Variants in POU2F3 observed in about 807,000 individuals in gnomAD.
POU2F3 encodes the protein POU domain, class 2, transcription factor 3.
POU2F3 carries 23 observed loss-of-function variants against 59.2 expected under a neutral mutation model. The ratio of observed to expected loss-of-function variants is 0.39; its 90% confidence interval spans 0.28 to 0.55. POU2F3 has a LOEUF of 0.55. POU2F3 is among the 20% of genes least tolerant of loss of function. POU2F3 has a pLI of 0.66. For missense variants in POU2F3, 473 were observed against 544.5 expected (o/e 0.87, Z 1.31); for synonymous variants, 190 against 214.6 (o/e 0.89, Z 1.00).
chr11:120,307,110 G>A (rs1020756248), intron 8 of POU2F3, among the ~76,000 whole-genome samples: 15 of 152,172 alleles, frequency 9.9e-5, no homozygotes, highest in African/African-American at 3.4e-4. Context: ...GCAGCCTCAC[G>A]AGCATTACTC....
At chr11:120,298,438 T>C (rs1222052318) in intron 4 of POU2F3, 48 bp downstream of exon 4, 2 of 1,602,632 alleles carry the variant, frequency 1.2e-6, no homozygotes, top group Non-Finnish European at 1.7e-6. Context: ...ACCCAATCCC[T>C]CTGTGAAATG....
chr11:120,304,293 T>C (rs1359091957), intron 6 of POU2F3: 1 of 138,234 alleles, frequency 7.2e-6, no homozygotes, highest in Non-Finnish European at 1.5e-5. Context: ...ATTGTGCCAC[T>C]ACACTCTAGC....
intron 3 of POU2F3, among the ~76,000 whole-genome samples, chr11:120,288,141 A>AAAAAAAAAAAAAAAAAAAAG (rs1940871800): frequency 6.7e-6 from 1 of 149,088 alleles, no homozygotes; most frequent in Non-Finnish European, 1.5e-5. Context: ...AAAAAAAAAA[A>AAAAAAAAAAAAAAAAAAAAG]AAAAAAACAA....
intron 3 of POU2F3, among the ~76,000 whole-genome samples, chr11:120,287,585 T>G (rs890920730): frequency 2.6e-5 from 4 of 152,210 alleles, no homozygotes; most frequent in Non-Finnish European, 4.4e-5. Context: ...GTAGAGTCCC[T>G]TGGCTCAAGT....
chr11:120,237,362 C>G (rs1938529873), upstream of POU2F3, among the ~76,000 whole-genome samples: 1 of 152,120 alleles, frequency 6.6e-6, no homozygotes, highest in African/African-American at 2.4e-5. Flanking sequence ...CTCCTACCTC[C>G]ACACTCCAAG....
intron 3 of POU2F3, among the ~76,000 whole-genome samples, chr11:120,280,936 G>A (rs1401348493): frequency 6.6e-6 from 1 of 152,150 alleles, no homozygotes; most frequent in East Asian, 1.9e-4. Flanking sequence ...CGTGAGAAGG[G>A]TCCAGGGAAG....
chr11:120,316,691 T>G (rs1941796519), intron 11 of POU2F3, among the ~76,000 whole-genome samples: 1 of 152,178 alleles, frequency 6.6e-6, no homozygotes, highest in African/African-American at 2.4e-5. Context: ...CTCCCAAAAG[T>G]GTTGGGCTAC....
chr11:120,245,841 C>A (rs1938847958), intron 1 of POU2F3, among the ~76,000 whole-genome samples: 2 of 152,002 alleles, frequency 1.3e-5, no homozygotes, highest in African/African-American at 4.8e-5. Flanking sequence ...AGGTAAGGAT[C>A]CCCAAAGGAC....
At position 120,274,120 on chromosome 11, in the gene POU2F3, G is replaced by A. The variant is rs138961173; in HGVS notation, c.132+4876G>A. 4.0e-4 allele frequency among the ~76,000 whole-genome samples: 43 copies of A among 106,414 alleles called. No individual in the cohort carries two copies. In the East Asian group the frequency reaches 0.01, roughly 25 times the overall value. 69.8% of individuals were successfully genotyped at this position (106,414 alleles called of 152,430 possible). A position where few individuals can be genotyped will look rare whatever the true frequency, so the allele number is the denominator to read the frequency against. ...GGAAGGAAGGAAGAAAGGAAGGAAG[G>A]AAGGAAGGAAGGAAGGAAGGAAGGA... is the stretch of plus-strand genomic sequence containing the variant. On this transcript the variant is annotated intron_variant, in intron 3 of 12. Coordinates refer to ENST00000543440, the MANE Select transcript of POU2F3 (RefSeq NM_014352.4).
At chr11:120,317,183 C>G in intron 11 of POU2F3, 46 bp from the exon 12 acceptor site, 1 of 1,608,466 alleles carries the variant, frequency 6.2e-7, no homozygotes. Context: ...GTCCCGGGAT[C>G]CAGCAGCATT....
At chr11:120,248,582 TC>T (rs1938964167) in intron 2 of POU2F3, among the ~76,000 whole-genome samples, 1 of 152,148 alleles carries the variant, frequency 6.6e-6, no homozygotes, top group African/African-American at 2.4e-5. Context: ...TTGCTCCCTT[TC>T]CCATTTAGGA....
At chr11:120,240,972 G>A (rs145089930) in intron 1 of POU2F3, among the ~76,000 whole-genome samples, 331 of 152,286 alleles carry the variant, frequency 2.2e-3, no homozygotes, top group Admixed American at 4.2e-3. Context: ...CTAAGGGGTG[G>A]AAACCTAGGA....
chr11:120,296,585 G>A (rs1418536113), intron 3 of POU2F3, among the ~76,000 whole-genome samples: 11 of 152,072 alleles, frequency 7.2e-5, no homozygotes, highest in South Asian at 4.1e-4. Context: ...GCCCCAGTGC[G>A]TGTTGTTCCC....
intron 2 of POU2F3, among the ~76,000 whole-genome samples, chr11:120,257,502 C>T (rs559053676): frequency 2.0e-5 from 3 of 152,018 alleles, no homozygotes; most frequent in Middle Eastern, 3.2e-3. Context: ...CCTGGGGTCC[C>T]GCGGCTCTAG....
At position 120,269,235 on chromosome 11, in the gene POU2F3, C is replaced by T; in HGVS notation, c.123C>T (p.Phe41=). Residue 41 remains phenylalanine, a synonymous_variant, in exon 3 of 13, where the codon TTC becomes TTT. Coordinates refer to ENST00000543440, the MANE Select transcript of POU2F3 (RefSeq NM_014352.4). ...GAAATGATCGAAATGGCCTAGATTT[C>T]AACAGGCAGGTAAGAACTTGGGTCA... The part of the protein sequence containing the change: ...EPGNDRNGLD[F]NRQIKTEDLS... 1.3e-6 allele frequency: 2 copies of T among 1,589,572 alleles called. No homozygotes were observed.
intron 6 of POU2F3, chr11:120,304,140 C>A (rs568722037): frequency 6.6e-6 from 1 of 152,206 alleles, no homozygotes; most frequent in Non-Finnish European, 1.5e-5. Context: ...TTGAGACCAG[C>A]TTGGGCAACA....
chr11:120,267,890 T>C, intron 2 of POU2F3, among the ~76,000 whole-genome samples: 1 of 126,856 alleles, frequency 7.9e-6, no homozygotes, highest in Non-Finnish European at 1.6e-5. Context: ...ATTATTTTCC[T>C]TGCTGTTATA....
In POU2F3 at chr11:120,309,566, C is replaced by T. The variant is rs375346340; in HGVS notation, c.1048C>T (p.Pro350Ser). The change falls in exon 10 of 13, where the codon CCT (proline) becomes TCT (serine). Residue 350 changes from proline (P) to serine (S), a missense_variant. Transcript: ENST00000543440. ...CCCTGTGGCCACACCCATCAAACCACCTGTCTACAACTCCCGGCTGGTGAG... is the reference window on the plus strand; with the variant it reads ...CCCTGTGGCCACACCCATCAAACCATCTGTCTACAACTCCCGGCTGGTGAG... ...NCPVATPIKPPVYNSRLVSPS... is the reference protein window; with the variant it reads ...NCPVATPIKPSVYNSRLVSPS... The T allele has an allele frequency of 1.5e-5, 24 of 1,613,942 alleles. No individual in the cohort carries two copies. The South Asian group carries it at 1.8e-4, about 12-fold the overall frequency.
At chr11:120,274,031 A>C (rs1303150082) in intron 3 of POU2F3, among the ~76,000 whole-genome samples, 2 of 151,728 alleles carry the variant, frequency 1.3e-5, no homozygotes, top group African/African-American at 2.4e-5. Flanking sequence ...AAAAGAAAAA[A>C]AAGAGAGAGA....
Sources: gnomAD v4.1 joint callset for allele counts (sites outside exome capture counted in the v4.1 genomes callset) on GRCh38, gnomAD v4.1.1 for gene constraint, MANE v1.5 for transcripts, NCBI Gene and HGNC (gene_info 2026-07-23, HGNC 2026-07-21) for gene names.